UQCC1: variants seen among roughly 807,000 people sequenced by gnomAD.
UQCC1 encodes bFGF-repressed Zic-binding protein.
In UQCC1, 38 loss-of-function variants were observed where a neutral mutation model predicts 48.0. That is an observed-to-expected ratio of 0.79 (90% CI 0.61 to 1.04). UQCC1 has a LOEUF of 1.04. UQCC1 is among the 50% of genes least tolerant of loss of function. The probability of loss-of-function intolerance (pLI) is 0.00; values close to 1 mark genes in which losing one functional copy is unlikely to be tolerated. For missense variants in UQCC1, 368 were observed against 381.8 expected (o/e 0.96, Z 0.30); for synonymous variants, 111 against 129.2 (o/e 0.86, Z 0.95).
intron 1 of UQCC1, among the ~76,000 whole-genome samples, chr20:35,405,393 T>C (rs1051609738): frequency 6.6e-6 from 1 of 151,944 alleles, no homozygotes; most frequent in Non-Finnish European, 1.5e-5. Flanking sequence ...ATTTCCGGAG[T>C]GGCCACATTA....
At chr20:35,340,191 T>C (rs2061361579) in intron 7 of UQCC1, among the ~76,000 whole-genome samples, 1 of 152,128 alleles carries the variant, frequency 6.6e-6, no homozygotes, top group Non-Finnish European at 1.5e-5. Context: ...ATCTGACCAG[T>C]TGTAAAACTG....
At chr20:35,373,427 C>G (rs1029045165) in intron 5 of UQCC1, among the ~76,000 whole-genome samples, 9 of 152,102 alleles carry the variant, frequency 5.9e-5, no homozygotes, top group African/African-American at 2.2e-4. Context: ...GCCTGTAATC[C>G]CAGCATTTTG....
At chr20:35,401,157 C>T (rs2062158621) in intron 1 of UQCC1, among the ~76,000 whole-genome samples, 1 of 152,140 alleles carries the variant, frequency 6.6e-6, no homozygotes, top group Admixed American at 6.5e-5. Flanking sequence ...AATATATAAC[C>T]TTGTTTTATT....
chr20:35,407,077 C>A (rs1238554935), intron 1 of UQCC1, among the ~76,000 whole-genome samples: 3 of 152,106 alleles, frequency 2.0e-5, no homozygotes, highest in African/African-American at 4.8e-5. Context: ...AGAAAACTTA[C>A]GGGAATGGCT....
At chr20:35,400,903 G>C (rs73903071) in intron 1 of UQCC1, among the ~76,000 whole-genome samples, 2,194 of 152,196 alleles carry the variant, frequency 0.014, 51 homozygotes, top group African/African-American at 0.049. Context: ...ACCACCTCTT[G>C]TACTGACTAC....
intron 1 of UQCC1, among the ~76,000 whole-genome samples, chr20:35,411,542 A>G (rs900570618): frequency 6.6e-6 from 1 of 152,196 alleles, no homozygotes; most frequent in Non-Finnish European, 1.5e-5. Context: ...CGTTTTTCAC[A>G]TAGGGTCAAT....
At chr20:35,313,750 G>T (rs893083900) in intron 8 of UQCC1, among the ~76,000 whole-genome samples, 3 of 151,978 alleles carry the variant, frequency 2.0e-5, no homozygotes, top group Admixed American at 6.6e-5. Context: ...TTCCCAAGCA[G>T]GTGGGATTAC....
chr20:35,347,378 A>C (rs1273774935), intron 6 of UQCC1, 106 bp from the exon 7 acceptor site: 2 of 1,370,398 alleles, frequency 1.5e-6, no homozygotes, highest in Non-Finnish European at 2.0e-6. Flanking sequence ...AAAGGGCACC[A>C]AATCAAACTG....
chr20:35,303,763 C>G lies in UQCC1; in HGVS notation c.*172G>C, dbSNP rs1174198080. ...CTCCCAGCCCTGTACCCCAGCAGAT[C>G]AGACTCCTGGGCACACTAAGAGGAA... On this transcript the variant is annotated 3_prime_UTR_variant, in exon 10 of 10. Coordinates refer to ENST00000374385, the MANE Select transcript of UQCC1 (RefSeq NM_018244.5). 5.6e-6 allele frequency: 5 copies of G among 900,624 alleles called. No homozygotes were observed. The highest frequency in any genetic ancestry group is 6.8e-6 in the Non-Finnish European group (4 of 587,560). The allele number at this position is 900,624 out of a possible 1,614,324, so 55.8% of individuals were successfully genotyped here.
At chr20:35,404,363 C>T (rs1601036803) in intron 1 of UQCC1, among the ~76,000 whole-genome samples, 1 of 114,376 alleles carries the variant, frequency 8.7e-6, no homozygotes. Context: ...GAGCGAGACT[C>T]CGTCTCAAAA....
rs765419181 is a variant in UQCC1, at chr20:35,384,113, G to C, written c.150C>G (p.Ser50=). The change falls in exon 3 of 10, where the codon TCC becomes TCG. Residue 50 remains serine, a synonymous_variant. Transcript: ENST00000374385. ...RTSQWPQMSQ[S]RACGGSEQIP... The stretch of plus-strand genomic sequence containing the variant: ...TCTGTTCTGATCCACCACATGCTCG[G>C]GACTGGCTCATCTGGGGCCACTGAA... 1.3e-5 allele frequency: 21 copies of C among 1,612,508 alleles called. No homozygotes were observed. Among genetic ancestry groups the C allele is most frequent in the Non-Finnish European group, 1.3e-5 (15 of 1,178,866 alleles).
chr20:35,324,383 G>A (rs376027258), intron 7 of UQCC1, among the ~76,000 whole-genome samples: 12 of 151,956 alleles, frequency 7.9e-5, no homozygotes, highest in Admixed American at 1.3e-4. Context: ...CTGGAGTGCC[G>A]TGGCGCCATC....
chr20:35,363,792 C>T (rs973345916), intron 6 of UQCC1, among the ~76,000 whole-genome samples: 3 of 152,120 alleles, frequency 2.0e-5, no homozygotes, highest in Admixed American at 6.5e-5. Context: ...CCAAGAGGTA[C>T]TTCAACCCCT....
chr20:35,331,052 T>C lies in UQCC1; in HGVS notation c.573+16112A>G, dbSNP rs564203455. On this transcript the variant is annotated intron_variant, in intron 7 of 9. Coordinates refer to ENST00000374385, the MANE Select transcript of UQCC1 (RefSeq NM_018244.5). ...GAAGGAGTATAGCCACAAACACCTA[T>C]CGAAAATGCCAAAGACAACAAGGTT... 3.9e-5 allele frequency among the ~76,000 whole-genome samples: 6 copies of C among 152,102 alleles called. No individual in the cohort carries two copies. In the South Asian group the frequency reaches 1.0e-3, roughly 26 times the overall value.
rs764383816 is a variant in UQCC1, at chr20:35,394,086, T to G, written c.129+6A>C. 6.2e-7 allele frequency: 1 copy of G among 1,611,644 alleles called. No homozygotes were observed. The highest frequency in any genetic ancestry group is 8.5e-7 in the Non-Finnish European group (1 of 1,178,042). ...TCATACTAAGCAAAAGAACAACAAA[T>G]CTTACCTGGGAAGTGCGAGACAGAG... is the stretch of plus-strand genomic sequence containing the variant. On this transcript the variant is annotated splice_donor_region_variant and intron_variant, in intron 2 of 9. Transcript: ENST00000374385.
At chr20:35,308,860 A>T (rs943273090) in intron 8 of UQCC1, among the ~76,000 whole-genome samples, 2 of 152,128 alleles carry the variant, frequency 1.3e-5, no homozygotes, top group Non-Finnish European at 2.9e-5. Context: ...GACTACGGGC[A>T]TGTGCCATCA....
chr20:35,402,720 G>C (rs1291808496), intron 1 of UQCC1, among the ~76,000 whole-genome samples: 1 of 152,080 alleles, frequency 6.6e-6, no homozygotes, highest in African/African-American at 2.4e-5. Context: ...TTGAACCCGG[G>C]AGGCGGAGGT....
chr20:35,402,507 G>A (rs2062179470), intron 1 of UQCC1, among the ~76,000 whole-genome samples: 1 of 151,932 alleles, frequency 6.6e-6, no homozygotes, highest in African/African-American at 2.4e-5. Context: ...GAACCTGGGA[G>A]GCGGAGCTTG....
intron 4 of UQCC1, among the ~76,000 whole-genome samples, chr20:35,376,005 T>C (rs1005477759): frequency 4.3e-5 from 6 of 138,670 alleles, no homozygotes; most frequent in African/African-American, 1.6e-4. Context: ...TTTAAAAATA[T>C]CAATAAAATT....
Sources: allele counts gnomAD v4.1 joint callset (sites outside exome capture counted in the v4.1 genomes callset), GRCh38; gene constraint gnomAD v4.1.1; transcripts MANE v1.5; gene names NCBI Gene and HGNC (gene_info 2026-07-23, HGNC 2026-07-21).